KATNBL1: variants seen among roughly 807,000 people sequenced by gnomAD.
The protein encoded by KATNBL1 is KATNB1-like protein 1.
KATNBL1 carries 28 observed loss-of-function variants against 44.7 expected under a neutral mutation model. The ratio of observed to expected loss-of-function variants is 0.63; its 90% confidence interval spans 0.46 to 0.86. The LOEUF is 0.86. Among genes scored for constraint, KATNBL1 ranks in the 40% least tolerant of loss-of-function variants. The pLI is 0.00. For missense variants in KATNBL1, 272 were observed against 350.7 expected, an observed-to-expected ratio of 0.78 and a Z score of 1.79; for synonymous variants, 78 against 114.9, an observed-to-expected ratio of 0.68 and a Z score of 2.06.
chr15:34,196,645 T>C (rs572534839), intron 1 of KATNBL1, among the ~76,000 whole-genome samples: 1 of 151,142 alleles, frequency 6.6e-6, no homozygotes, highest in South Asian at 2.1e-4. Flanking sequence ...GGAGAATCAC[T>C]TGAACCCAGG....
intron 1 of KATNBL1, chr15:34,208,994 C>T (rs944538265): frequency 6.6e-6 from 1 of 152,180 alleles, no homozygotes; most frequent in Non-Finnish European, 1.5e-5. Context: ...ATGGGGACAA[C>T]AGTATATATC....
chr15:34,178,087 AC>A (rs1256934639), intron 1 of KATNBL1: 1 of 152,250 alleles, frequency 6.6e-6, no homozygotes, highest in Non-Finnish European at 1.5e-5. Flanking sequence ...ATGTCAAGTA[AC>A]TAACCCAAAG....
chr15:34,176,144 G>C (rs1193791293), intron 1 of KATNBL1, among the ~76,000 whole-genome samples: 2 of 152,152 alleles, frequency 1.3e-5, no homozygotes, highest in Non-Finnish European at 2.9e-5. Context: ...GGAGGCGGAG[G>C]TGGGCAGGTC....
In KATNBL1 at chr15:34,179,718, T is replaced by G. The variant is rs77860629; in HGVS notation, c.-14-16028A>C. On this transcript the variant is annotated intron_variant, in intron 1 of 9. Coordinates refer to ENST00000256544, the MANE Select transcript of KATNBL1 (RefSeq NM_024713.3). ...TCAAAAGAGATATAGGTAAGATCTA[T>G]CCAATCAAAAAAGGTCTATCAAAAC... Among the ~76,000 whole-genome samples the G allele has an allele frequency of 4.3e-4, 66 of 152,284 alleles. 3 individuals are homozygous for G. The East Asian group carries it at 0.012, about 27-fold the overall frequency.
chr15:34,173,199 TCAAA>T (rs1889225059), intron 1 of KATNBL1, among the ~76,000 whole-genome samples: 1 of 151,164 alleles, frequency 6.6e-6, no homozygotes, highest in South Asian at 2.1e-4. Flanking sequence ...AAAAGAGAAA[TCAAA>T]CAAAGAGATA....
At chr15:34,160,564 T>C (rs1430434062) in intron 2 of KATNBL1, among the ~76,000 whole-genome samples, 3 of 152,238 alleles carry the variant, frequency 2.0e-5, no homozygotes, top group African/African-American at 7.2e-5. Context: ...TTCCTTGTTA[T>C]TGAAAGCTTT....
Position 34,178,159 on chromosome 15 carries a change from G to A in KATNBL1, c.-14-14469C>T, listed in dbSNP as rs867122807. ...GCCATTCAACCACATTTCTATTTTC[G>A]TTAATTGAATTCAATTTGTTCTCAA... is the stretch of plus-strand genomic sequence containing the variant. On this transcript the variant is annotated intron_variant, in intron 1 of 9. Coordinates refer to ENST00000256544, the MANE Select transcript of KATNBL1 (RefSeq NM_024713.3). Among the ~76,000 whole-genome samples the A allele has an allele frequency of 5.3e-5, 8 of 152,112 alleles. No homozygotes were observed. In the East Asian group the frequency reaches 5.8e-4, roughly 11 times the overall value.
chr15:34,143,010 C>G, intron 9 of KATNBL1: 1 of 1,231,354 alleles, frequency 8.1e-7, no homozygotes. Context: ...TTGCCCGGCC[C>G]TCTTCTTTCA....
intron 1 of KATNBL1, among the ~76,000 whole-genome samples, chr15:34,195,301 T>C (rs941615387): frequency 1.3e-5 from 2 of 152,148 alleles, no homozygotes; most frequent in African/African-American, 4.8e-5. Flanking sequence ...TGTAGCAACA[T>C]AGATGGAACT....
chr15:34,172,931 T>A (rs2140949123), intron 1 of KATNBL1, among the ~76,000 whole-genome samples: 1 of 152,276 alleles, frequency 6.6e-6, no homozygotes, highest in Middle Eastern at 3.4e-3. Context: ...TGTATGTAAA[T>A]TGTACTTTGA....
intron 1 of KATNBL1, among the ~76,000 whole-genome samples, chr15:34,178,539 C>T (rs1048805739): frequency 6.6e-6 from 1 of 152,074 alleles, no homozygotes; most frequent in Non-Finnish European, 1.5e-5. Context: ...GGGCAGATCA[C>T]GAGGTCAGGA....
rs144709394 is a variant in KATNBL1 at position 34,181,775 on chromosome 15, T to C, written c.-14-18085A>G. Among the ~76,000 whole-genome samples, 409 of 127,094 alleles carry C rather than the reference T, an allele frequency of 3.2e-3. 68 individuals are homozygous for C. Among genetic ancestry groups the C allele is most frequent in the African/African-American group, 0.013 (391 of 29,562 alleles). The allele number at this position is 127,094 out of a possible 152,430, so 83.4% of individuals were successfully genotyped here. ...ATATATATATCCATATATATACACATATATATGTCCATATATATATCCATA... is the reference window on the plus strand; with the variant it reads ...ATATATATATCCATATATATACACACATATATGTCCATATATATATCCATA... On this transcript the variant is annotated intron_variant, in intron 1 of 9. Coordinates refer to ENST00000256544, the MANE Select transcript of KATNBL1 (RefSeq NM_024713.3).
intron 7 of KATNBL1, 81 bp downstream of exon 7, chr15:34,147,119 C>A: frequency 1.2e-6 from 1 of 814,750 alleles, no homozygotes; most frequent in Non-Finnish European, 2.0e-6. Flanking sequence ...CTCATGGAGC[C>A]CAATCTACTA....
intron 1 of KATNBL1, among the ~76,000 whole-genome samples, chr15:34,172,763 AC>A (rs1889208692): frequency 1.1e-4 from 1 of 8,700 alleles, no homozygotes; most frequent in Non-Finnish European, 2.1e-4. Context: ...AGACACAGAC[AC>A]ACACACACAC....
At chr15:34,209,242 A>T (rs1404765693) in intron 1 of KATNBL1, 2 of 152,222 alleles carry the variant, frequency 1.3e-5, no homozygotes, top group Non-Finnish European at 2.9e-5. Context: ...GCAAGTGCTG[A>T]ACTGATGATT....
At chr15:34,179,457 C>T (rs1057434114) in intron 1 of KATNBL1, among the ~76,000 whole-genome samples, 1 of 152,264 alleles carries the variant, frequency 6.6e-6, no homozygotes, top group South Asian at 2.1e-4. Context: ...GTTTCCAACA[C>T]GTGAACTCTG....
In KATNBL1 at chr15:34,144,935, G is replaced by A. The variant is rs189789350; in HGVS notation, c.882+463C>T. On this transcript the variant is annotated intron_variant, in intron 9 of 9. Coordinates refer to ENST00000256544, the MANE Select transcript of KATNBL1 (RefSeq NM_024713.3). ...TAGCAATTTTTACTTTTTCCTTTAC[G>A]AGACAAATCAATAAAGACCAAAGTC... The A allele has an allele frequency of 4.9e-3, 1,769 of 362,476 alleles. 6 individuals carry two copies. Among genetic ancestry groups the A allele is most frequent in the Non-Finnish European group, 6.4e-3 (1,641 of 257,666 alleles). The allele number at this position is 362,476 out of a possible 1,614,324, so 22.5% of individuals were successfully genotyped here.
intron 1 of KATNBL1, among the ~76,000 whole-genome samples, chr15:34,187,259 G>T (rs1193054256): frequency 6.6e-6 from 1 of 152,186 alleles, no homozygotes; most frequent in Non-Finnish European, 1.5e-5. Flanking sequence ...GCAGAGAGGA[G>T]CCACTCTCTC....
At chr15:34,196,549 G>C (rs376284445) in intron 1 of KATNBL1, among the ~76,000 whole-genome samples, 1 of 152,012 alleles carries the variant, frequency 6.6e-6, no homozygotes, top group Non-Finnish European at 1.5e-5. Context: ...CCAACATGGC[G>C]AAACCCAGTC....
Sources: allele counts gnomAD v4.1 joint callset (sites outside exome capture counted in the v4.1 genomes callset), GRCh38; gene constraint gnomAD v4.1.1; transcripts MANE v1.5; gene names NCBI Gene and HGNC (gene_info 2026-07-23, HGNC 2026-07-21).